Variants in AKR1C3 observed in about 807,000 individuals in gnomAD.
AKR1C3 encodes the protein aldo-keto reductase family 1 member C3, also known as 3-alpha hydroxysteroid dehydrogenase, type II.
AKR1C3 carries 48 observed loss-of-function variants against 43.6 expected under a neutral mutation model. The observed-to-expected ratio is 1.10, with a 90% CI of 0.87 to 1.40. The LOEUF (loss-of-function observed/expected upper bound fraction) is 1.40, where lower values mean the gene tolerates loss of function less well. Ranked by LOEUF, AKR1C3 falls within the 40% of genes most tolerant of loss-of-function variation. AKR1C3 has a pLI of 0.00. For missense variants in AKR1C3, 482 were observed against 391.2 expected (o/e 1.23, Z -1.96); for synonymous variants, 162 against 139.6 (o/e 1.16, Z -1.13).
At chr10:5,067,790 ATTATT>A (rs1838539485) in intron 1 of AKR1C3, among the ~76,000 whole-genome samples, 1 of 152,114 alleles carries the variant, frequency 6.6e-6, no homozygotes, top group Non-Finnish European at 1.5e-5. Context: ...CTCAAATTGG[ATTATT>A]TTATCTTTTC....
chr10:5,077,913 G>T, intron 1 of AKR1C3: 1 of 631,690 alleles, frequency 1.6e-6, no homozygotes, highest in Non-Finnish European at 2.8e-6. Context: ...CATCTCTTTT[G>T]AAAAATCGAT....
At position 5,077,811 on chromosome 10, in the gene AKR1C3, A is replaced by G. The variant is rs1016693114; in HGVS notation, c.85-18599A>G. The G allele has an allele frequency of 3.0e-5, 18 of 601,894 alleles. No homozygotes were observed. In the East Asian group the frequency reaches 6.2e-4, roughly 21 times the overall value. 37.3% of individuals were successfully genotyped at this position (601,894 alleles called of 1,614,324 possible). ...GTTCCTTGAGGTTGAAGCAAATCTG[A>G]CCGATTTTCAATGTAAAAATAACAT... On this transcript the variant is annotated intron_variant, in intron 1 of 8. Transcript: ENST00000439082.
At chr10:5,083,698 T>C (rs1291408880) in intron 1 of AKR1C3, among the ~76,000 whole-genome samples, 3 of 152,150 alleles carry the variant, frequency 2.0e-5, no homozygotes, top group Non-Finnish European at 4.4e-5. Flanking sequence ...CCACCAACAG[T>C]GTAAAAGTGT....
intron 1 of AKR1C3, among the ~76,000 whole-genome samples, chr10:5,079,289 G>A (rs534725960): frequency 2.0e-5 from 3 of 152,192 alleles, no homozygotes; most frequent in Non-Finnish European, 4.4e-5. Flanking sequence ...GTCATACAGG[G>A]TGCAATAAAA....
chr10:5,090,572 A>G (rs1554784010), upstream of AKR1C3, among the ~76,000 whole-genome samples: 1 of 152,110 alleles, frequency 6.6e-6, no homozygotes, highest in African/African-American at 2.4e-5. Flanking sequence ...GCTCTCATGT[A>G]GTGTGAGGTG....
At chr10:5,057,336 C>A (rs185333923) in intron 1 of AKR1C3, among the ~76,000 whole-genome samples, 2 of 152,268 alleles carry the variant, frequency 1.3e-5, no homozygotes, top group Admixed American at 1.3e-4. Flanking sequence ...TTTCTCTGAT[C>A]ATGCTTTTCC....
chr10:5,094,858 C>A (rs1436391006), intron 1 of AKR1C3, among the ~76,000 whole-genome samples: 1 of 152,098 alleles, frequency 6.6e-6, no homozygotes, highest in African/African-American at 2.4e-5. Context: ...GGAGTGATTT[C>A]TCTGTTTCTA....
At chr10:5,093,885 T>G (rs1246994876), upstream of AKR1C3, 1 of 152,100 alleles carries the variant, frequency 6.6e-6, no homozygotes, top group Non-Finnish European at 1.5e-5. Context: ...CAAAATAAAT[T>G]TTCTGATTGA....
chr10:5,093,994 T>C (rs895301951), upstream of AKR1C3: 1 of 152,228 alleles, frequency 6.6e-6, no homozygotes, highest in African/African-American at 2.4e-5. Flanking sequence ...TTAAATTATG[T>C]GTATGTGAGA....
chr10:5,053,241 C>T (rs113238228), intron 1 of AKR1C3, among the ~76,000 whole-genome samples: 6,062 of 152,312 alleles, frequency 0.04, 415 homozygotes, highest in African/African-American at 0.14. Flanking sequence ...AGCCCACGGA[C>T]GGTGGAGAGG....
intron 1 of AKR1C3, among the ~76,000 whole-genome samples, chr10:5,063,413 T>C (rs1309684475): frequency 1.3e-5 from 2 of 152,072 alleles, no homozygotes; most frequent in Admixed American, 1.3e-4. Flanking sequence ...GAAATACCAA[T>C]GTCATTTTAA....
intron 1 of AKR1C3, among the ~76,000 whole-genome samples, chr10:5,066,046 A>G (rs910168658): frequency 1.3e-5 from 2 of 152,198 alleles, no homozygotes; most frequent in African/African-American, 4.8e-5. Flanking sequence ...CCTTTGTTGC[A>G]TGATCATCTG....
rs782303259 is a variant in AKR1C3, at chr10:5,097,528, T to G, written c.347T>G (p.Ile116Ser). Residue 116 changes from isoleucine to serine, a missense_variant, in exon 3 of 9, where the codon ATT becomes AGT. Coordinates refer to ENST00000380554, the MANE Select transcript of AKR1C3 (RefSeq NM_003739.6). ...AQLDYVDLYL[I>S]HSPMSLKPGE... ...TTGGACTATGTTGACCTCTATCTTA[T>G]TCATTCTCCAATGTCTCTAAAGGTA... 6.2e-7 allele frequency: 1 copy of G among 1,613,774 alleles called. No homozygotes were observed. The highest frequency in any genetic ancestry group is 1.1e-5 in the South Asian group (1 of 91,080).
At chr10:5,098,030 C>G in intron 3 of AKR1C3, 6 of 1,001,040 alleles carry the variant, frequency 6.0e-6, no homozygotes, top group Non-Finnish European at 7.1e-6. Flanking sequence ...CTTTATTATT[C>G]TGCTGCCTCT....
chr10:5,105,410 G>C (rs1839475169), intron 7 of AKR1C3, 185 bp from the exon 8 acceptor site: 1 of 502,730 alleles, frequency 2.0e-6, no homozygotes, highest in African/African-American at 1.9e-5. Context: ...ATAATATCTA[G>C]GAATGGATTT....
At chr10:5,082,849 G>C (rs1838866445) in intron 1 of AKR1C3, among the ~76,000 whole-genome samples, 1 of 152,142 alleles carries the variant, frequency 6.6e-6, no homozygotes, top group Admixed American at 6.6e-5. Context: ...TTTTTTAAAA[G>C]AGATTCCATA....
intron 1 of AKR1C3, among the ~76,000 whole-genome samples, chr10:5,070,826 C>T (rs562075110): frequency 2.0e-5 from 3 of 152,292 alleles, no homozygotes; most frequent in South Asian, 4.1e-4. Flanking sequence ...AGCTTCTAGC[C>T]TCCAGATCTG....
At chr10:5,101,011 G>A (rs1334455750) in intron 5 of AKR1C3, among the ~76,000 whole-genome samples, 1 of 152,106 alleles carries the variant, frequency 6.6e-6, no homozygotes, top group African/African-American at 2.4e-5. Flanking sequence ...CAGAAATGAA[G>A]ACATTCTTCC....
At chr10:5,099,636 A>T (rs1839299382) in intron 5 of AKR1C3, 187 bp downstream of exon 5, 2 of 1,064,416 alleles carry the variant, frequency 1.9e-6, no homozygotes, top group Non-Finnish European at 2.7e-6. Flanking sequence ...TATTAGGGAA[A>T]AATTGGAATG....
Sources: allele counts gnomAD v4.1 joint callset (sites outside exome capture counted in the v4.1 genomes callset), GRCh38; gene constraint gnomAD v4.1.1; transcripts MANE v1.5; gene names NCBI Gene and HGNC (gene_info 2026-07-23, HGNC 2026-07-21).